The following ADAP1 variants were observed in gnomAD, a reference collection of about 807,000 sequenced individuals.
ADAP1 encodes the protein ArfGAP with dual PH domains 1.
In ADAP1, 31 loss-of-function variants were observed where a neutral mutation model predicts 54.9. The ratio of observed to expected loss-of-function variants is 0.56; its 90% CI spans 0.42 to 0.76. ADAP1 has a LOEUF of 0.76. Among genes scored for constraint, ADAP1 ranks in the 30% least tolerant of loss-of-function variants. ADAP1 has a pLI of 0.00. For missense variants in ADAP1, 535 were observed against 512.4 expected, an observed-to-expected ratio of 1.04 and a Z score of -0.42; for synonymous variants, 313 against 202.6, an observed-to-expected ratio of 1.55 and a Z score of -4.63.
intron 1 of ADAP1, among the ~76,000 whole-genome samples, chr7:937,203 C>G (rs1339289072): frequency 7.3e-5 from 5 of 68,288 alleles, no homozygotes; most frequent in East Asian, 9.2e-4. Context: ...GGGTCACGCC[C>G]GACCTCTGGG....
At chr7:908,267 G>C (rs999470570) in intron 4 of ADAP1, among the ~76,000 whole-genome samples, 1 of 152,142 alleles carries the variant, frequency 6.6e-6, no homozygotes, top group African/African-American at 2.4e-5. Context: ...CTGCTCCCCA[G>C]CATCCCCTCC....
At chr7:901,550 A>T (rs1270724336) in intron 6 of ADAP1, among the ~76,000 whole-genome samples, 1 of 152,148 alleles carries the variant, frequency 6.6e-6, no homozygotes, top group Non-Finnish European at 1.5e-5. Flanking sequence ...CCGGCCCAGC[A>T]CCAGCTGGAG....
chr7:915,518 C>T (rs964401246), intron 4 of ADAP1, among the ~76,000 whole-genome samples: 19 of 152,230 alleles, frequency 1.2e-4, no homozygotes, highest in African/African-American at 3.9e-4. Context: ...TCCGACCCTG[C>T]GAGCAAGCGT....
chr7:912,611 C>T (rs1775858359), intron 4 of ADAP1, among the ~76,000 whole-genome samples: 1 of 152,218 alleles, frequency 6.6e-6, no homozygotes, highest in African/African-American at 2.4e-5. Flanking sequence ...CAAAGAGCAT[C>T]TTGGGGAGAC....
At chr7:949,672 G>A (rs1422836889) in intron 1 of ADAP1, among the ~76,000 whole-genome samples, 5 of 152,232 alleles carry the variant, frequency 3.3e-5, no homozygotes, top group Admixed American at 1.3e-4. Flanking sequence ...AGGGGGCCCA[G>A]TCTAGGCTGA....
chr7:949,568 G>A (rs901968449), intron 1 of ADAP1, among the ~76,000 whole-genome samples: 6 of 152,182 alleles, frequency 3.9e-5, no homozygotes, highest in Non-Finnish European at 5.9e-5. Context: ...TCTGTGCGTC[G>A]GGGAAGCTGG....
rs904544496 is a variant in ADAP1 at position 920,182 on chromosome 7, G to A, written c.306-132C>T. On this transcript the variant is annotated intron_variant, in intron 3 of 10. Coordinates refer to ENST00000265846, the MANE Select transcript of ADAP1 (RefSeq NM_006869.4). This position sits in a 1 kb window ranked among gnomAD's most constrained non-coding sequence, Gnocchi z 4.5. ...CCCGGCAGACTCGAGCCGCCCCTCT[G>A]GGCACAAGATCCCGGAAGAAATGCA... is the stretch of plus-strand genomic sequence containing the variant. 4.5e-5 allele frequency: 31 copies of A among 692,992 alleles called. No individual in the cohort carries two copies. Among genetic ancestry groups the A allele is most frequent in the Non-Finnish European group, 7.2e-5 (30 of 416,706 alleles). The allele number at this position is 692,992 out of a possible 1,614,324, so 42.9% of individuals were successfully genotyped here. A position where few individuals can be genotyped will look rare whatever the true frequency, so the allele number is the denominator to read the frequency against.
intron 4 of ADAP1, among the ~76,000 whole-genome samples, chr7:916,776 TGGA>T (rs896050897): frequency 6.0e-4 from 92 of 152,174 alleles, no homozygotes; most frequent in African/African-American, 1.9e-3. Flanking sequence ...GGAGCTGCCC[TGGA>T]GGAGGGCAGA....
At chr7:915,013 C>T (rs991089177) in intron 4 of ADAP1, among the ~76,000 whole-genome samples, 7 of 71,630 alleles carry the variant, frequency 9.8e-5, no homozygotes, top group African/African-American at 5.1e-4. Context: ...TCCCTGCAGC[C>T]GGGGCTCTGG....
chr7:921,963 G>A (rs1468330484), intron 3 of ADAP1, among the ~76,000 whole-genome samples: 1 of 152,200 alleles, frequency 6.6e-6, no homozygotes, highest in East Asian at 1.9e-4. Context: ...CGCACACAAG[G>A]GCATCCCAGG....
rs754482421 is a variant in ADAP1 at position 946,046 on chromosome 7, C to T, written c.82+8350G>A. On this transcript the variant is annotated intron_variant, in intron 1 of 10. Transcript: ENST00000265846. This position sits in a 1 kb window ranked among gnomAD's most constrained non-coding sequence, Gnocchi z 4.3. ...TGGCTCTGGCCAGGCACGCAAGGGG[C>T]AGCCGAGGTGGGAGGGTGCCCTTGT... 6.6e-6 allele frequency among the ~76,000 whole-genome samples: 1 copy of T among 152,228 alleles called. No individual in the cohort carries two copies. The highest frequency in any genetic ancestry group is 1.5e-5 in the Non-Finnish European group (1 of 68,040).
At chr7:914,036 G>A (rs988458202) in intron 4 of ADAP1, among the ~76,000 whole-genome samples, 17 of 152,364 alleles carry the variant, frequency 1.1e-4, no homozygotes, top group African/African-American at 4.1e-4. Flanking sequence ...CCATGGTCCT[G>A]GGTGGCGTGG....
At chr7:936,363 T>A (rs1846761042) in intron 1 of ADAP1, among the ~76,000 whole-genome samples, 4 of 152,122 alleles carry the variant, frequency 2.6e-5, no homozygotes, top group African/African-American at 9.7e-5. Flanking sequence ...CGGCTAACTT[T>A]TGTATTTTTA....
chr7:930,444 A>G (rs6973161), intron 2 of ADAP1, among the ~76,000 whole-genome samples: 13,570 of 33,674 alleles, frequency 0.4, 1,967 homozygotes, highest in African/African-American at 0.59. Context: ...TTGGGAGGCC[A>G]AGGCGGGCGG....
intron 4 of ADAP1, among the ~76,000 whole-genome samples, chr7:914,926 A>G (rs1296403297): frequency 1.3e-5 from 2 of 151,764 alleles, no homozygotes; most frequent in Non-Finnish European, 2.9e-5. Flanking sequence ...CCCTGCCCTG[A>G]GCAGGTGGGT....
intron 3 of ADAP1, among the ~76,000 whole-genome samples, chr7:921,708 G>A (rs116160196): frequency 0.034 from 5,101 of 152,262 alleles, 363 homozygotes; most frequent in East Asian, 0.27. Flanking sequence ...GAGCCGCTCC[G>A]GCTGTGTGAC....
rs1439142701 is a variant in ADAP1, at chr7:946,126, T to C, written c.82+8270A>G. Among the ~76,000 whole-genome samples, 1 of 152,182 alleles carries C rather than the reference T, an allele frequency of 6.6e-6. No homozygotes were observed. The highest frequency in any genetic ancestry group is 1.5e-5 in the Non-Finnish European group (1 of 68,008). ...ACAGCTACGTGAGGCGGGGCATGCA[T>C]GGCTGTCCCCCAGGCACACAGCGCC... On this transcript the variant is annotated intron_variant, in intron 1 of 10. Transcript: ENST00000265846. This position sits in a 1 kb window ranked among gnomAD's most constrained non-coding sequence, Gnocchi z 4.3.
At position 930,587 on chromosome 7, in the gene ADAP1, G is replaced by A. The variant is rs556703034; in HGVS notation, c.214-3943C>T. Among the ~76,000 whole-genome samples, 3 of 151,636 alleles carry A rather than the reference G, an allele frequency of 2.0e-5. No homozygotes were observed. The South Asian group carries it at 6.3e-4, about 32-fold the overall frequency. The stretch of plus-strand genomic sequence containing the variant: ...TAATCCCAGAACTTTGGGAGGCCGA[G>A]GGGGATGGATCACCTGAGGCCAAGA... On this transcript the variant is annotated intron_variant, in intron 2 of 10. Coordinates refer to ENST00000265846, the MANE Select transcript of ADAP1 (RefSeq NM_006869.4).
Position 906,797 on chromosome 7 carries a change from A to ACG in ADAP1, c.389-1626_389-1625insCG, listed in dbSNP as rs879621135. On this transcript the variant is annotated intron_variant, in intron 4 of 10. Coordinates refer to ENST00000265846, the MANE Select transcript of ADAP1 (RefSeq NM_006869.4). The stretch of plus-strand genomic sequence containing the variant: ...GGACAGGGGACACGGGGGACGGGAC[A>ACG]GGGGACATGGGGGGACATGGGTCAG... Among the ~76,000 whole-genome samples the ACG allele has an allele frequency of 2.9e-4, 11 of 37,350 alleles. 3 individuals are homozygous for ACG. Among genetic ancestry groups the ACG allele is most frequent in the African/African-American group, 1.3e-3 (10 of 7,632 alleles). The allele number at this position is 37,350 out of a possible 152,430, so 24.5% of individuals were successfully genotyped here. A position where few individuals can be genotyped will look rare whatever the true frequency, so the allele number is the denominator to read the frequency against.
Sources: gnomAD v4.1 joint callset for allele counts (sites outside exome capture counted in the v4.1 genomes callset) on GRCh38, gnomAD v4.1.1 for gene constraint, Gnocchi (gnomAD v3.1) non-coding constraint, MANE v1.5 for transcripts, NCBI Gene and HGNC (gene_info 2026-07-23, HGNC 2026-07-21) for gene names.